The following HIVEP3 variants were observed in gnomAD, a reference collection of about 807,000 sequenced individuals.
HIVEP3 encodes HIVEP zinc finger 3, also known as transcription factor HIVEP3.
In HIVEP3, 49 loss-of-function variants were observed where a neutral mutation model predicts 152.8. That is an observed-to-expected ratio of 0.32 (90% CI 0.26 to 0.41). HIVEP3 has a LOEUF of 0.41. Ranked by LOEUF, HIVEP3 falls within the 10% of genes least tolerant of loss-of-function variation. The pLI is 1.00. For synonymous variants in HIVEP3, 1,269 were observed against 1,289.0 expected, an observed-to-expected ratio of 0.98 and a Z score of 0.33; for missense variants, 2,790 against 3,103.3, an observed-to-expected ratio of 0.90 and a Z score of 2.40.
At chr1:41,569,963 T>C (rs896216284) in intron 5 of HIVEP3, among the ~76,000 whole-genome samples, 3 of 152,256 alleles carry the variant, frequency 2.0e-5, no homozygotes, top group African/African-American at 7.2e-5. Context: ...GACACAGTTC[T>C]GCAGTATGCG....
chr1:41,685,595 GATC>G lies in HIVEP3; in HGVS notation c.-721+15318_-721+15320del, dbSNP rs1646102455. Among the ~76,000 whole-genome samples, 3 of 152,196 alleles carry G rather than the reference GATC, an allele frequency of 2.0e-5. No homozygotes were observed. The South Asian group carries it at 6.2e-4, about 31-fold the overall frequency. Reference sequence around the variant, plus strand: ...CCCAGCTCAACTCCCCACGGGAAGAGATCATCTTTCTCTCATGAACCCAGGTCC... The same window carrying G: ...CCCAGCTCAACTCCCCACGGGAAGAGATCTTTCTCTCATGAACCCAGGTCC... On this transcript the variant is annotated intron_variant, in intron 2 of 8. Transcript: ENST00000372583.
At chr1:41,575,774 C>T (rs541215203) in intron 4 of HIVEP3, 85 bp from the exon 5 acceptor site, 2 of 1,387,940 alleles carry the variant, frequency 1.4e-6, no homozygotes, top group East Asian at 2.3e-5. Context: ...TCATGCCTTA[C>T]ACAGTACTGC....
At position 41,580,686 on chromosome 1, in the gene HIVEP3, G is replaced by A; in HGVS notation, c.4112C>T (p.Ala1371Val). 1 of 1,611,198 alleles carries A rather than the reference G, an allele frequency of 6.2e-7. No homozygotes were observed. Among genetic ancestry groups the A allele is most frequent in the Non-Finnish European group, 8.5e-7 (1 of 1,178,514 alleles). ...GCCGGGCCCAACCTCATGCACATCTGCACCACATACAGTCGTCCCCTTTGA... is the reference window on the plus strand; with the variant it reads ...GCCGGGCCCAACCTCATGCACATCTACACCACATACAGTCGTCCCCTTTGA... ...PPSKGTTVCGADVHEVGPGPS... is the reference protein window; with the variant it reads ...PPSKGTTVCGVDVHEVGPGPS... Residue 1371 changes from alanine (A) to valine (V), a missense_variant, in exon 4 of 9, where the codon GCA (alanine) becomes GTA (valine). By Grantham distance (64) the Ala-to-Val change is moderately conservative. This residue lies in a region of HIVEP3 where 1,078 missense variants were observed against 1,165.3 expected (regional missense o/e 0.93). Transcript: ENST00000372583.
upstream of HIVEP3, among the ~76,000 whole-genome samples, chr1:41,919,723 AT>A (rs572918679): frequency 3.9e-5 from 6 of 152,230 alleles, no homozygotes; most frequent in East Asian, 1.2e-3. Context: ...TCCAGCCTAA[AT>A]TTTTTTGAAA....
chr1:41,752,188 G>A (rs1475811051), intron 1 of HIVEP3, among the ~76,000 whole-genome samples: 8 of 152,214 alleles, frequency 5.3e-5, no homozygotes, highest in Non-Finnish European at 1.2e-4. Flanking sequence ...CAGAGGAAGT[G>A]AGAATGAATC....
intron 2 of HIVEP3, among the ~76,000 whole-genome samples, chr1:41,638,256 G>GAAAAAGAAAGAAAGAAAGAA (rs1553241159): frequency 3.3e-5 from 4 of 120,884 alleles, no homozygotes; most frequent in African/African-American, 1.4e-4. Context: ...AAGAAAGAGA[G>GAAAAAGAAAGAAAGAAAGAA]AGAAAGAAAG....
chr1:41,723,911 A>G (rs1214353261), intron 1 of HIVEP3, among the ~76,000 whole-genome samples: 3 of 152,170 alleles, frequency 2.0e-5, no homozygotes, highest in African/African-American at 7.2e-5. Context: ...GGAATGAATG[A>G]CCACCAGAGT....
intron 5 of HIVEP3, among the ~76,000 whole-genome samples, chr1:41,567,532 C>G (rs1055858854): frequency 6.6e-6 from 1 of 152,160 alleles, no homozygotes; most frequent in Non-Finnish European, 1.5e-5. Flanking sequence ...TGGGGAGAAG[C>G]CTGAGAATTA....
intron 5 of HIVEP3, among the ~76,000 whole-genome samples, chr1:41,529,061 T>TAA (rs1643136408): frequency 1.8e-5 from 1 of 56,464 alleles, no homozygotes; most frequent in African/African-American, 6.9e-5. Context: ...ACCCCCACCC[T>TAA]CACCCTCACA....
intron 1 of HIVEP3, among the ~76,000 whole-genome samples, chr1:41,903,536 G>T (rs543499511): frequency 3.9e-5 from 6 of 152,218 alleles, no homozygotes; most frequent in African/African-American, 1.2e-4. Flanking sequence ...ACACTTGCCC[G>T]ACTTGTCCTA....
intron 3 of HIVEP3, among the ~76,000 whole-genome samples, chr1:41,624,202 G>C (rs573372472): frequency 1.3e-5 from 2 of 151,940 alleles, no homozygotes; most frequent in Admixed American, 6.6e-5. Flanking sequence ...CTCAGCATCC[G>C]TGGCCCCTCC....
intron 3 of HIVEP3, among the ~76,000 whole-genome samples, chr1:41,608,809 C>T (rs1350309922): frequency 6.6e-6 from 1 of 151,884 alleles, no homozygotes; most frequent in Admixed American, 6.6e-5. Flanking sequence ...CGGTGGCTCA[C>T]ACCTGTAATC....
chr1:42,023,508 A>T (rs1347177800), intron 1 of HIVEP3, among the ~76,000 whole-genome samples: 1 of 152,078 alleles, frequency 6.6e-6, no homozygotes, highest in African/African-American at 2.4e-5. Flanking sequence ...CCAGTGTTGG[A>T]GGTGGAGCCT....
chr1:41,981,486 T>G (rs1461864417), intron 1 of HIVEP3, among the ~76,000 whole-genome samples: 2 of 152,072 alleles, frequency 1.3e-5, no homozygotes, highest in Non-Finnish European at 2.9e-5. Flanking sequence ...CCACCTCTGC[T>G]GAGCTGGCGG....
intron 1 of HIVEP3, among the ~76,000 whole-genome samples, chr1:41,863,854 C>T (rs1292554756): frequency 6.6e-6 from 1 of 152,148 alleles, no homozygotes; most frequent in African/African-American, 2.4e-5. Flanking sequence ...CTCCCTGGCT[C>T]TAAAATTTAC....
At chr1:41,518,205 G>A (rs1310774656) in intron 7 of HIVEP3, among the ~76,000 whole-genome samples, 197 bp downstream of exon 7, 3 of 152,206 alleles carry the variant, frequency 2.0e-5, no homozygotes, top group Non-Finnish European at 4.4e-5. Context: ...TGGGGAGGTG[G>A]CTCGATCATT....
intron 1 of HIVEP3, among the ~76,000 whole-genome samples, chr1:41,935,282 T>A (rs747533660): frequency 4.6e-5 from 7 of 152,134 alleles, no homozygotes; most frequent in Non-Finnish European, 8.8e-5. Flanking sequence ...TTAACATATG[T>A]TAGAACTAGA....
At chr1:41,722,407 T>TG (rs1646687641) in intron 1 of HIVEP3, among the ~76,000 whole-genome samples, 1 of 94,910 alleles carries the variant, frequency 1.1e-5, no homozygotes, top group Non-Finnish European at 2.0e-5. Context: ...TGGCTGGCCT[T>TG]CCTTCCTTCC....
chr1:41,535,534 A>AG, intron 5 of HIVEP3: 1 of 152,390 alleles, frequency 6.6e-6, no homozygotes, highest in South Asian at 2.1e-4. Context: ...TGGGTCTGGC[A>AG]GGGCTGACTT....
Sources: allele counts gnomAD v4.1 joint callset (sites outside exome capture counted in the v4.1 genomes callset), GRCh38; gene constraint gnomAD v4.1.1; regional missense constraint gnomAD v4.1.1; transcripts MANE v1.5; gene names NCBI Gene and HGNC (gene_info 2026-07-23, HGNC 2026-07-21).